Variants in SLC29A4 observed in about 807,000 individuals in gnomAD.
SLC29A4 encodes the protein solute carrier family 29 member 4.
In SLC29A4, 36 loss-of-function variants were observed where a neutral mutation model predicts 43.9. That is an observed-to-expected ratio of 0.82 (90% CI 0.63 to 1.08). The LOEUF is 1.08. Ranked by LOEUF, SLC29A4 falls within the 50% of genes least tolerant of loss-of-function variation. The pLI is 0.00. For synonymous variants in SLC29A4, 491 were observed against 338.0 expected (o/e 1.45, Z -4.97); for missense variants, 869 against 755.3 (o/e 1.15, Z -1.77).
intron 2 of SLC29A4, among the ~76,000 whole-genome samples, chr7:5,289,455 T>G (rs564501390): frequency 8.5e-5 from 13 of 152,148 alleles, no homozygotes; most frequent in Non-Finnish European, 1.8e-4. Flanking sequence ...AGGCAGGCAG[T>G]CAGGAAGGTC....
At chr7:5,293,667 C>G (rs1021226283) in intron 5 of SLC29A4, among the ~76,000 whole-genome samples, 1 of 151,428 alleles carries the variant, frequency 6.6e-6, no homozygotes, top group Admixed American at 6.6e-5. Flanking sequence ...TTTTTAGAGG[C>G]AGGGTCTCAC....
chr7:5,285,863 A>G lies in SLC29A4; in HGVS notation c.-8-1946A>G, dbSNP rs556048100. Among the ~76,000 whole-genome samples the G allele has an allele frequency of 5.3e-5, 8 of 152,294 alleles. No individual in the cohort carries two copies. In the East Asian group the frequency reaches 1.5e-3, roughly 29 times the overall value. ...CCCCATCTCTACAAAAAAGAAAAAA[A>G]TTAGCCGGGCCTGGTGGCACACACC... On this transcript the variant is annotated intron_variant, in intron 1 of 10. Transcript: ENST00000396872.
intron 2 of SLC29A4, among the ~76,000 whole-genome samples, chr7:5,290,025 A>G (rs1785202262): frequency 6.7e-6 from 1 of 150,190 alleles, no homozygotes; most frequent in Non-Finnish European, 1.5e-5. Flanking sequence ...AGCTGGAAAT[A>G]TAGGCGTGCA....
rs1193997212 is a variant in SLC29A4, at chr7:5,291,277, CT to C, written c.415+42del. On this transcript the variant is annotated intron_variant, in intron 4 of 10. Transcript: ENST00000396872. Reference sequence around the variant, plus strand: ...GCCACGGGACACCTGCCTGTCATGGCTTCCACCTGCCTGGCCGGTCACCCAC... The same window carrying C: ...GCCACGGGACACCTGCCTGTCATGGCTCCACCTGCCTGGCCGGTCACCCAC... 5 of 1,568,942 alleles carry C rather than the reference CT, an allele frequency of 3.2e-6. No homozygotes were observed. In the African/African-American group the frequency reaches 6.8e-5, roughly 21 times the overall value.
At chr7:5,287,046 G>A (rs955715165) in intron 1 of SLC29A4, among the ~76,000 whole-genome samples, 2 of 152,124 alleles carry the variant, frequency 1.3e-5, no homozygotes, top group African/African-American at 2.4e-5. Flanking sequence ...TTGCTCCCCG[G>A]GACAGCAGTC....
chr7:5,284,460 G>T (rs1441092443), intron 1 of SLC29A4, among the ~76,000 whole-genome samples: 3 of 152,358 alleles, frequency 2.0e-5, no homozygotes, highest in Middle Eastern at 3.4e-3. Flanking sequence ...CCAAAAAAAT[G>T]ACCTGTGTCT....
At chr7:5,299,888 C>T (rs1236898957) in intron 9 of SLC29A4, among the ~76,000 whole-genome samples, 1 of 152,166 alleles carries the variant, frequency 6.6e-6, no homozygotes, top group Admixed American at 6.5e-5. Flanking sequence ...CCCGTGTCTA[C>T]TGAAAATACA....
At chr7:5,296,775 AGGGCCTGTGGTGGAGGGCG>A (rs1251696480) in intron 6 of SLC29A4, among the ~76,000 whole-genome samples, 142 bp from the exon 7 acceptor site, 6 of 109,964 alleles carry the variant, frequency 5.5e-5, no homozygotes, top group East Asian at 2.8e-4. Flanking sequence ...GGGTGGGGGC[AGGGCCTGTGGTGGAGGGCG>A]GGGCCTGTGG....
At chr7:5,297,541 C>T (rs1333552486) in intron 7 of SLC29A4, among the ~76,000 whole-genome samples, 1 of 152,190 alleles carries the variant, frequency 6.6e-6, no homozygotes, top group Non-Finnish European at 1.5e-5. Context: ...CTGGGACAGC[C>T]CACGTTCATT....
chr7:5,298,960 A>C (rs1375942054), intron 7 of SLC29A4, 28 bp from the exon 8 acceptor site: 2 of 1,599,676 alleles, frequency 1.3e-6, no homozygotes, highest in East Asian at 4.5e-5. Flanking sequence ...TTCCACTCCA[A>C]CCCCATCCCA....
intron 1 of SLC29A4, among the ~76,000 whole-genome samples, chr7:5,287,334 C>G (rs945679177): frequency 2.0e-5 from 3 of 151,758 alleles, no homozygotes; most frequent in African/African-American, 7.3e-5. Context: ...AGGAGGATCC[C>G]TTGAGCCCAG....
rs984970566 is a variant in SLC29A4 at position 5,303,553 on chromosome 7, A to G, written c.*614A>G. ...CCGAATGGACCCGCCTGCGGTCTGCATCAGCCTCTGGGAAACCACAGCAGT... is the reference window on the plus strand; with the variant it reads ...CCGAATGGACCCGCCTGCGGTCTGCGTCAGCCTCTGGGAAACCACAGCAGT... On this transcript the variant is annotated 3_prime_UTR_variant, in exon 11 of 11. Transcript: ENST00000396872. 2.6e-5 allele frequency: 4 copies of G among 153,842 alleles called. No homozygotes were observed. Among genetic ancestry groups the G allele is most frequent in the African/African-American group, 9.6e-5 (4 of 41,482 alleles). The allele number at this position is 153,842 out of a possible 1,614,324, so 9.5% of individuals were successfully genotyped here. A position where few individuals can be genotyped will look rare whatever the true frequency, so the allele number is the denominator to read the frequency against.
rs777183763 is a variant in SLC29A4, at chr7:5,290,867, G to A, written c.301+4G>A. ...TACCTGCATCACAAGTACCCAGGTG[G>A]GTCCCTCCACGGTCACGCCCAGCCA... On this transcript the variant is annotated splice_donor_region_variant and intron_variant, in intron 3 of 10. Transcript: ENST00000396872. 1.9e-6 allele frequency: 3 copies of A among 1,608,868 alleles called. No homozygotes were observed. Among genetic ancestry groups the A allele is most frequent in the Non-Finnish European group, 2.5e-6 (3 of 1,177,202 alleles).
chr7:5,295,727 T>C (rs1173374970), intron 6 of SLC29A4, among the ~76,000 whole-genome samples: 1 of 151,970 alleles, frequency 6.6e-6, no homozygotes, highest in African/African-American at 2.4e-5. Flanking sequence ...TGCAACCCTC[T>C]GCCTGGTGCT....
chr7:5,294,403 A>G (rs987438038), intron 5 of SLC29A4, among the ~76,000 whole-genome samples: 7 of 152,156 alleles, frequency 4.6e-5, no homozygotes, highest in Non-Finnish European at 1.0e-4. Flanking sequence ...GCTGTATAAC[A>G]AATAGCCCAG....
intron 1 of SLC29A4, among the ~76,000 whole-genome samples, chr7:5,287,143 C>T (rs569889061): frequency 2.0e-4 from 31 of 152,246 alleles, no homozygotes; most frequent in South Asian, 4.1e-4. Context: ...GAGGGCTGGG[C>T]GCAGTGGCTC....
At chr7:5,297,423 G>T (rs917492747) in intron 7 of SLC29A4, among the ~76,000 whole-genome samples, 1 of 152,222 alleles carries the variant, frequency 6.6e-6, no homozygotes, top group Admixed American at 6.5e-5. Context: ...CACTCCACCC[G>T]CATCTGTGGT....
At chr7:5,301,990 C>T (rs1000054071) in intron 10 of SLC29A4, among the ~76,000 whole-genome samples, 1 of 152,018 alleles carries the variant, frequency 6.6e-6, no homozygotes, top group Non-Finnish European at 1.5e-5. Flanking sequence ...TTGCTCTGTT[C>T]CCCAGGCTGG....
chr7:5,296,472 G>T (rs1258215017), intron 6 of SLC29A4, among the ~76,000 whole-genome samples: 2 of 142,232 alleles, frequency 1.4e-5, no homozygotes, highest in African/African-American at 2.7e-5. Flanking sequence ...CGGAGTTGGG[G>T]CGGGAGAGAC....
Sources: allele counts gnomAD v4.1 joint callset (sites outside exome capture counted in the v4.1 genomes callset), GRCh38; gene constraint gnomAD v4.1.1; transcripts MANE v1.5; gene names NCBI Gene and HGNC (gene_info 2026-07-23, HGNC 2026-07-21).